Variants in UBE2L6 observed in about 807,000 individuals in gnomAD.
UBE2L6 encodes ubiquitin conjugating enzyme E2 L6.
UBE2L6 carries 11 observed loss-of-function variants against 13.6 expected under a neutral mutation model. That is an observed-to-expected ratio of 0.81 (90% CI 0.51 to 1.34). The LOEUF (loss-of-function observed/expected upper bound fraction) is 1.34, where lower values mean the gene tolerates loss of function less well. Ranked by LOEUF, UBE2L6 falls within the 40% of genes most tolerant of loss-of-function variation. The pLI is 0.00. For synonymous variants in UBE2L6, 74 were observed against 83.2 expected (o/e 0.89, Z 0.60); for missense variants, 197 against 199.5 (o/e 0.99, Z 0.07).
rs555931777 is a variant in UBE2L6 at position 57,558,592 on chromosome 11, C to T, written c.123+1745G>A. On this transcript the variant is annotated intron_variant, in intron 2 of 3. Coordinates refer to ENST00000287156, the MANE Select transcript of UBE2L6 (RefSeq NM_004223.5). ...GAGGATTCAATATGACCTCATATGT[C>T]GTGTGCTTAAAACAGCACTTGGTCC... 2.0e-5 allele frequency among the ~76,000 whole-genome samples: 3 copies of T among 152,236 alleles called. No homozygotes were observed. The South Asian group carries it at 6.2e-4, about 32-fold the overall frequency.
intron 2 of UBE2L6, among the ~76,000 whole-genome samples, chr11:57,555,938 T>A (rs1311683256): frequency 6.6e-6 from 1 of 152,152 alleles, no homozygotes; most frequent in African/African-American, 2.4e-5. Flanking sequence ...TAGTAAATTT[T>A]GTTATGTGTA....
intron 2 of UBE2L6, among the ~76,000 whole-genome samples, chr11:57,558,112 CTT>C (rs1428935102): frequency 6.6e-6 from 1 of 152,054 alleles, no homozygotes; most frequent in African/African-American, 2.4e-5. Context: ...GAGTTTTGCT[CTT>C]GTCATCCAGG....
rs753233316 is a variant in UBE2L6 at position 57,560,441 on chromosome 11, G to T, written c.28-9C>A. On this transcript the variant is annotated splice_polypyrimidine_tract_variant and intron_variant, in intron 1 of 3. Transcript: ENST00000287156. ...TGAAGATCCTCCAGCTCCTGCAGGG[G>T]ACACAAGTGAGTGGGCAGTTGGCCT... 6 of 1,605,910 alleles carry T rather than the reference G, an allele frequency of 3.7e-6. No homozygotes were observed. The highest frequency in any genetic ancestry group is 1.7e-5 in the Admixed American group (1 of 59,988).
chr11:57,563,654 G>A (rs1945063960), intron 1 of UBE2L6, among the ~76,000 whole-genome samples: 1 of 151,526 alleles, frequency 6.6e-6, no homozygotes, highest in African/African-American at 2.4e-5. Context: ...GACTTTGGGA[G>A]GCCGAGGCAG....
chr11:57,567,421 C>T, intron 1 of UBE2L6, 164 bp downstream of exon 1: 2 of 1,028,958 alleles, frequency 1.9e-6, no homozygotes, highest in South Asian at 1.5e-5. Flanking sequence ...TCTTGCAGGC[C>T]AGTCCTCCTC....
At chr11:57,564,970 G>A (rs1945075830) in intron 1 of UBE2L6, among the ~76,000 whole-genome samples, 1 of 151,584 alleles carries the variant, frequency 6.6e-6, no homozygotes, top group Admixed American at 6.6e-5. Context: ...GAAATGGCCG[G>A]GCACAGTGGC....
chr11:57,561,862 C>G (rs1201797433), intron 1 of UBE2L6, among the ~76,000 whole-genome samples: 2 of 152,118 alleles, frequency 1.3e-5, no homozygotes, highest in African/African-American at 4.8e-5. Context: ...CAGGCCTTTT[C>G]TTGTTGGGGA....
chr11:57,559,029 G>A (rs376002482), intron 2 of UBE2L6, among the ~76,000 whole-genome samples: 153 of 152,288 alleles, frequency 1.0e-3, no homozygotes, highest in African/African-American at 3.5e-3. Context: ...TCTGCCAAAC[G>A]AGACCTTTCC....
In UBE2L6 at chr11:57,567,433, G is replaced by A. The variant is rs571762629; in HGVS notation, c.27+152C>T. On this transcript the variant is annotated intron_variant, in intron 1 of 3. Transcript: ENST00000287156. ...CACTCTTGCAGGCCAGTCCTCCTCT[G>A]AGTAGAGGGCGGGGAGGACAGGGAT... 91 of 1,131,094 alleles carry A rather than the reference G, an allele frequency of 8.0e-5. No homozygotes were observed. The South Asian group carries it at 1.1e-3, about 14-fold the overall frequency. The allele number at this position is 1,131,094 out of a possible 1,614,324, so 70.1% of individuals were successfully genotyped here.
Position 57,552,169 on chromosome 11 carries a change from T to G in UBE2L6, c.*189A>C. 1.3e-6 allele frequency: 1 copy of G among 755,646 alleles called. No individual in the cohort carries two copies. The highest frequency in any genetic ancestry group is 2.1e-6 in the Non-Finnish European group (1 of 474,804). The allele number at this position is 755,646 out of a possible 1,614,324, so 46.8% of individuals were successfully genotyped here. ...ACCTGTGGCCAGGTGAACCTGGGAG[T>G]GAGTCCATACACAACACACACACTC... On this transcript the variant is annotated 3_prime_UTR_variant, in exon 4 of 4. Coordinates refer to ENST00000287156, the MANE Select transcript of UBE2L6 (RefSeq NM_004223.5).
intron 1 of UBE2L6, 181 bp from the exon 2 acceptor site, chr11:57,560,613 T>C: frequency 1.9e-6 from 1 of 527,680 alleles, no homozygotes; most frequent in Non-Finnish European, 3.3e-6. Context: ...GCTGGTGCTT[T>C]TTCTTTTTTC....
At chr11:57,557,234 C>T (rs1196876954) in intron 2 of UBE2L6, among the ~76,000 whole-genome samples, 1 of 152,136 alleles carries the variant, frequency 6.6e-6, no homozygotes, top group African/African-American at 2.4e-5. Flanking sequence ...CTATTACTTA[C>T]TGAAAAAGCT....
intron 1 of UBE2L6, among the ~76,000 whole-genome samples, chr11:57,561,918 A>G (rs1286758922): frequency 6.6e-6 from 1 of 152,226 alleles, no homozygotes; most frequent in Non-Finnish European, 1.5e-5. Context: ...GGAACAATGA[A>G]TTGGTACAAA....
intron 2 of UBE2L6, among the ~76,000 whole-genome samples, chr11:57,556,891 G>C (rs111433147): frequency 0.092 from 13,930 of 152,014 alleles, 865 homozygotes; most frequent in Non-Finnish European, 0.13. Context: ...TTTGAGATCA[G>C]CCTGGGCAAC....
At chr11:57,561,499 G>A (rs1945047163) in intron 1 of UBE2L6, among the ~76,000 whole-genome samples, 1 of 152,180 alleles carries the variant, frequency 6.6e-6, no homozygotes, top group South Asian at 2.1e-4. Flanking sequence ...GATGAGAGGG[G>A]AGAAGGAAGG....
At chr11:57,567,359 C>T (rs1305069102) in intron 1 of UBE2L6, 1 of 633,538 alleles carries the variant, frequency 1.6e-6, no homozygotes, top group Non-Finnish European at 2.7e-6. Flanking sequence ...CTTCACCACG[C>T]GAACGGCTCA....
At chr11:57,558,925 C>T (rs1005532183) in intron 2 of UBE2L6, among the ~76,000 whole-genome samples, 2 of 152,220 alleles carry the variant, frequency 1.3e-5, no homozygotes, top group African/African-American at 2.4e-5. Flanking sequence ...TTCTTCAGGA[C>T]TCCTATATGG....
chr11:57,558,390 A>G (rs1364830971), intron 2 of UBE2L6, among the ~76,000 whole-genome samples: 1 of 152,086 alleles, frequency 6.6e-6, no homozygotes, highest in South Asian at 2.1e-4. Context: ...GCTACTTTTT[A>G]AAAAATTTTG....
intron 1 of UBE2L6, among the ~76,000 whole-genome samples, chr11:57,563,763 G>A (rs1477223911): frequency 6.6e-6 from 1 of 151,266 alleles, no homozygotes; most frequent in African/African-American, 2.4e-5. Flanking sequence ...TTAGCCGGGC[G>A]TGGTGGTGGG....
Sources: gnomAD v4.1 joint callset for allele counts (sites outside exome capture counted in the v4.1 genomes callset) on GRCh38, gnomAD v4.1.1 for gene constraint, MANE v1.5 for transcripts, NCBI Gene and HGNC (gene_info 2026-07-23, HGNC 2026-07-21) for gene names.